Variants in DHX15 observed in about 807,000 individuals in gnomAD.
DHX15 encodes ATP-dependent RNA helicase DHX15.
A neutral mutation model predicts 94.4 loss-of-function variants in DHX15; 11 were observed. The ratio of observed to expected loss-of-function variants is 0.12; its 90% CI spans 0.07 to 0.19. DHX15 has a LOEUF of 0.19. DHX15 is among the 10% of genes least tolerant of loss of function. The pLI is 1.00. For synonymous variants in DHX15, 338 were observed against 329.9 expected (o/e 1.02, Z -0.27); for missense variants, 304 against 988.5 (o/e 0.31, Z 9.29).
chr4:24,542,034 G>T lies in DHX15; in HGVS notation c.1336-12C>A. 6.3e-7 allele frequency: 1 copy of T among 1,580,462 alleles called. No homozygotes were observed. On this transcript the variant is annotated splice_polypyrimidine_tract_variant and intron_variant, in intron 7 of 13. Transcript: ENST00000336812. ...CGAGGATTGTAGACCTATTGGAATT[G>T]AAATAACACAAGAGTCTTTCTTCAG...
chr4:24,543,895 G>GAC lies in DHX15; in HGVS notation c.1249-870_1249-869insGT, dbSNP rs147929911. ...TCTGTATATGCAAGCAATTGATACA[G>GAC]AAGATGAATCAAACAGAGTCTGCTT... is the stretch of plus-strand genomic sequence containing the variant. On this transcript the variant is annotated intron_variant, in intron 6 of 13. Coordinates refer to ENST00000336812, the MANE Select transcript of DHX15 (RefSeq NM_001358.3). Among the ~76,000 whole-genome samples the GAC allele has an allele frequency of 7.7e-3, 1,166 of 152,228 alleles. 13 individuals are homozygous for GAC. Among genetic ancestry groups the GAC allele is most frequent in the Non-Finnish European group, 0.011 (733 of 67,980 alleles).
chr4:24,553,540 G>A (rs1173473111), intron 5 of DHX15, among the ~76,000 whole-genome samples: 1 of 151,930 alleles, frequency 6.6e-6, no homozygotes, highest in Non-Finnish European at 1.5e-5. Flanking sequence ...TTGGGAACCC[G>A]AGAAGGGCAG....
At position 24,576,565 on chromosome 4, in the gene DHX15, C is replaced by A. The variant is rs1000359760; in HGVS notation, c.185G>T (p.Arg62Leu). ...EREKEKEKEL[R>L]ASTNAMLISA... Reference sequence around the variant, plus strand: ...GATAAGCATAGCATTTGTTGAAGCTCGCAACTCCTTCTCCTTTTCTTTCTC... The same window carrying A: ...GATAAGCATAGCATTTGTTGAAGCTAGCAACTCCTTCTCCTTTTCTTTCTC... The change falls in exon 2 of 14, where the codon CGA (arginine) becomes CTA (leucine). Residue 62 changes from arginine to leucine, a missense_variant. Around this residue, in one of 9 missense-constraint regions of DHX15, gnomAD observed 143 missense variants for 200.5 expected, o/e 0.71. Transcript: ENST00000336812. 1 of 1,614,132 alleles carries A rather than the reference C, an allele frequency of 6.2e-7. No homozygotes were observed. The highest frequency in any genetic ancestry group is 8.5e-7 in the Non-Finnish European group (1 of 1,180,026).
In DHX15 at chr4:24,541,921, T is replaced by A. The variant is rs1367022862; in HGVS notation, c.1437A>T (p.Gly479=). ...TCTCTGTGTAAAGTCTGAAGCATTT[T>A]CCAGGTCTGGTACGTCCAGCTCGAC... ...RAGRAGRTRP[G]KCFRLYTEKA... is the part of the protein sequence containing the mutation. The change falls in exon 8 of 14, where the codon GGA becomes GGT. Residue 479 remains glycine, a synonymous_variant. Transcript: ENST00000336812. 4 of 1,610,952 alleles carry A rather than the reference T, an allele frequency of 2.5e-6. No individual in the cohort carries two copies. The Admixed American group carries it at 6.7e-5, about 27-fold the overall frequency.
intron 3 of DHX15, among the ~76,000 whole-genome samples, chr4:24,556,939 T>C (rs1294408544): frequency 2.0e-5 from 3 of 151,986 alleles, no homozygotes; most frequent in African/African-American, 7.2e-5. Flanking sequence ...CCCAAAGAAA[T>C]AATCTTAAAG....
intron 2 of DHX15, among the ~76,000 whole-genome samples, chr4:24,571,752 T>C (rs989562126): frequency 1.3e-5 from 2 of 152,224 alleles, no homozygotes; most frequent in Non-Finnish European, 1.5e-5. Context: ...ACAGTAAAAC[T>C]GATAAGGAAT....
At chr4:24,558,131 T>C (rs1407706313) in intron 3 of DHX15, among the ~76,000 whole-genome samples, 1 of 152,168 alleles carries the variant, frequency 6.6e-6, no homozygotes, top group Non-Finnish European at 1.5e-5. Flanking sequence ...TGAAGGCATT[T>C]AAATTAGCAA....
intron 3 of DHX15, among the ~76,000 whole-genome samples, chr4:24,562,239 CATAA>C (rs1044623641): frequency 2.0e-5 from 3 of 150,662 alleles, no homozygotes; most frequent in African/African-American, 4.9e-5. Context: ...GTTAAAAAAG[CATAA>C]ATAAAGCAAC....
At chr4:24,529,357 G>A (rs1338663377) in intron 13 of DHX15, among the ~76,000 whole-genome samples, 7 of 152,136 alleles carry the variant, frequency 4.6e-5, no homozygotes, top group Non-Finnish European at 8.8e-5. Context: ...AACTTTTCAT[G>A]CTATTCAAAT....
chr4:24,546,655 T>C (rs1721431113), intron 6 of DHX15, among the ~76,000 whole-genome samples: 1 of 152,200 alleles, frequency 6.6e-6, no homozygotes. Context: ...TCACCATTAG[T>C]GCTGTAACAT....
intron 3 of DHX15, among the ~76,000 whole-genome samples, chr4:24,563,617 T>G (rs1721930109): frequency 6.6e-6 from 1 of 152,218 alleles, no homozygotes. Flanking sequence ...TTTTAATGAT[T>G]TAAAACATAA....
intron 5 of DHX15, among the ~76,000 whole-genome samples, chr4:24,550,118 A>AAAAAAAAAAAAAAAAAAAAAAAC (rs1560766877): frequency 6.9e-6 from 1 of 145,276 alleles, no homozygotes; most frequent in South Asian, 2.2e-4. Flanking sequence ...AAAAAAAAAA[A>AAAAAAAAAAAAAAAAAAAAAAAC]AAAAACGGTA....
chr4:24,534,659 C>T (rs899280801), intron 11 of DHX15, among the ~76,000 whole-genome samples: 3 of 152,124 alleles, frequency 2.0e-5, no homozygotes, highest in Admixed American at 6.5e-5. Flanking sequence ...GATCAAGGTA[C>T]TGCAAAATAA....
chr4:24,555,334 A>G (rs1721706014), intron 4 of DHX15, among the ~76,000 whole-genome samples: 1 of 151,974 alleles, frequency 6.6e-6, no homozygotes, highest in African/African-American at 2.4e-5. Context: ...TGGACCAGAT[A>G]TAAAAAGGTT....
chr4:24,553,842 T>C (rs1721663565), intron 5 of DHX15, among the ~76,000 whole-genome samples: 1 of 152,136 alleles, frequency 6.6e-6, no homozygotes, highest in Non-Finnish European at 1.5e-5. Flanking sequence ...AACTTTGTAT[T>C]ATCCAAATAG....
chr4:24,534,407 T>C (rs1318998621), intron 11 of DHX15, among the ~76,000 whole-genome samples: 2 of 152,174 alleles, frequency 1.3e-5, no homozygotes, highest in African/African-American at 2.4e-5. Context: ...GTACTACAGA[T>C]GGAAAAATTG....
At chr4:24,571,227 G>C (rs1438574511) in intron 2 of DHX15, among the ~76,000 whole-genome samples, 1 of 152,126 alleles carries the variant, frequency 6.6e-6, no homozygotes, top group Non-Finnish European at 1.5e-5. Flanking sequence ...AAATCAAGTG[G>C]AAATCATACC....
intron 7 of DHX15, 61 bp from the exon 8 acceptor site, chr4:24,542,083 C>G: frequency 7.1e-7 from 1 of 1,405,848 alleles, no homozygotes; most frequent in African/African-American, 1.4e-5. Flanking sequence ...TGTGATGCAA[C>G]AGAAGTATCC....
At chr4:24,557,951 C>CAA (rs1357899063) in intron 3 of DHX15, among the ~76,000 whole-genome samples, 2 of 144,406 alleles carry the variant, frequency 1.4e-5, no homozygotes, top group Admixed American at 7.0e-5. Context: ...CTCTTAGCTT[C>CAA]AATAGAGCGG....
Sources: gnomAD v4.1 joint callset for allele counts (sites outside exome capture counted in the v4.1 genomes callset) on GRCh38, gnomAD v4.1.1 for gene constraint, gnomAD v4.1.1 regional missense constraint, MANE v1.5 for transcripts, NCBI Gene and HGNC (gene_info 2026-07-23, HGNC 2026-07-21) for gene names.